NR3C1: variants seen among roughly 807,000 people sequenced by gnomAD.
NR3C1 encodes nuclear receptor subfamily 3 group C member 1.
In NR3C1, 14 loss-of-function variants were observed where a neutral mutation model predicts 74.0. The observed-to-expected ratio is 0.19, with a 90% CI of 0.12 to 0.30. The LOEUF (loss-of-function observed/expected upper bound fraction) is 0.30. Ranked by LOEUF, NR3C1 falls within the 10% of genes least tolerant of loss-of-function variation. NR3C1 has a pLI of 1.00. For synonymous variants in NR3C1, 308 were observed against 332.5 expected (o/e 0.93, Z 0.80); for missense variants, 695 against 909.8 (o/e 0.76, Z 3.04).
upstream of NR3C1, chr5:143,403,801 G>A: frequency 1.0e-6 from 1 of 978,516 alleles, no homozygotes; most frequent in Non-Finnish European, 1.2e-6. Context: ...GTGACGCTTG[G>A]CAACTGCAGG....
At position 143,300,770 on chromosome 5, in the gene NR3C1, G is replaced by C; in HGVS notation, c.1469-7C>G. ...TTTTTCTTTGTTTTTCGAGCTGTGG[G>C]TATTTAAACAAATACATAGAAATGA... is the stretch of plus-strand genomic sequence containing the variant. On this transcript the variant is annotated splice_region_variant and splice_polypyrimidine_tract_variant and intron_variant, in intron 4 of 8. Coordinates refer to ENST00000394464, the MANE Select transcript of NR3C1 (RefSeq NM_000176.3). The surrounding 1 kb of genome is among the most constrained non-coding windows in gnomAD (Gnocchi z 5.2). The C allele has an allele frequency of 6.2e-7, 1 of 1,612,880 alleles. No homozygotes were observed. The highest frequency in any genetic ancestry group is 8.5e-7 in the Non-Finnish European group (1 of 1,179,354).
chr5:143,310,634 C>T (rs1820702738), intron 3 of NR3C1, among the ~76,000 whole-genome samples: 1 of 152,024 alleles, frequency 6.6e-6, no homozygotes, highest in Admixed American at 6.6e-5. Context: ...GTGTTTTACA[C>T]AGTTTGATAG....
intron 2 of NR3C1, among the ~76,000 whole-genome samples, chr5:143,352,504 C>T (rs759322468): frequency 8.6e-5 from 13 of 151,994 alleles, no homozygotes; most frequent in Non-Finnish European, 1.6e-4. Flanking sequence ...ACATATTCTA[C>T]GTTTTTTTTA....
At chr5:143,303,075 G>A (rs1818825252) in intron 4 of NR3C1, among the ~76,000 whole-genome samples, 1 of 151,880 alleles carries the variant, frequency 6.6e-6, no homozygotes, top group African/African-American at 2.4e-5. Flanking sequence ...ACCCAAATAA[G>A]CACAATAAAA....
chr5:143,365,237 AT>A lies in NR3C1; in HGVS notation c.1184+34418del, dbSNP rs1019863800. Among the ~76,000 whole-genome samples the A allele has an allele frequency of 3.3e-5, 5 of 152,222 alleles. No individual in the cohort carries two copies. The East Asian group carries it at 9.6e-4, about 29-fold the overall frequency. On this transcript the variant is annotated intron_variant, in intron 2 of 8. Coordinates refer to ENST00000394464, the MANE Select transcript of NR3C1 (RefSeq NM_000176.3). ...TCATCAATAATTACATTAAATGTCA[AT>A]GGTTTAAACTCCCCAAATAAAAAGC...
Position 143,414,678 on chromosome 5 carries a change from ATCT to A in NR3C1, c.-13-13829_-13-13827del, listed in dbSNP as rs1338183028. ...TTATTTCTACCTATGAGATATCTTTATCTGTCTGTCTAAATTTGTCTTTGTTAT... is the reference window on the plus strand; with the variant it reads ...TTATTTCTACCTATGAGATATCTTTAGTCTGTCTAAATTTGTCTTTGTTAT... On this transcript the variant is annotated intron_variant, in intron 1 of 8. Transcript: ENST00000343796. Among the ~76,000 whole-genome samples the A allele has an allele frequency of 2.0e-5, 3 of 151,960 alleles. No homozygotes were observed. The East Asian group carries it at 5.8e-4, about 29-fold the overall frequency.
chr5:143,353,468 C>A (rs766164569), intron 2 of NR3C1, among the ~76,000 whole-genome samples: 1 of 152,106 alleles, frequency 6.6e-6, no homozygotes, highest in Non-Finnish European at 1.5e-5. Flanking sequence ...TATAGCCTTA[C>A]AAAATGTACT....
chr5:143,334,237 C>G (rs921063356), intron 2 of NR3C1, among the ~76,000 whole-genome samples: 14 of 152,078 alleles, frequency 9.2e-5, no homozygotes, highest in African/African-American at 3.1e-4. Context: ...CAAAAATTAG[C>G]CGGGCATGGT....
At chr5:143,323,397 T>C (rs956384381) in intron 2 of NR3C1, among the ~76,000 whole-genome samples, 7 of 152,080 alleles carry the variant, frequency 4.6e-5, no homozygotes, top group African/African-American at 1.7e-4. Flanking sequence ...GATAAACCCA[T>C]GAGATCTCGT....
chr5:143,368,301 T>A (rs1178459649), intron 2 of NR3C1, among the ~76,000 whole-genome samples: 1 of 151,974 alleles, frequency 6.6e-6, no homozygotes, highest in Non-Finnish European at 1.5e-5. Flanking sequence ...AAAACATAGG[T>A]GAAAATCAGT....
Position 143,334,220 on chromosome 5 carries a change from A to G in NR3C1, c.1185-20052T>C, listed in dbSNP as rs556807039. Among the ~76,000 whole-genome samples, 64 of 152,130 alleles carry G rather than the reference A, an allele frequency of 4.2e-4. 1 individual carries two copies. In the South Asian group the frequency reaches 0.012, roughly 28 times the overall value. On this transcript the variant is annotated intron_variant, in intron 2 of 8. Transcript: ENST00000394464. ...AACATGGAGAAATGCCATCTCTACT[A>G]AAAATACAAAAATTAGCCGGGCATG...
intron 2 of NR3C1, among the ~76,000 whole-genome samples, chr5:143,385,567 C>T (rs1837039269): frequency 6.6e-6 from 1 of 152,138 alleles, no homozygotes; most frequent in Admixed American, 6.5e-5. Flanking sequence ...TTTCTTCTGC[C>T]ACGAACTCTA....
chr5:143,416,561 CT>C (rs1841483478), intron 1 of NR3C1, among the ~76,000 whole-genome samples: 1 of 152,132 alleles, frequency 6.6e-6, no homozygotes, highest in Non-Finnish European at 1.5e-5. Flanking sequence ...CTATTACACA[CT>C]TCAATACATT....
At chr5:143,282,473 G>A in intron 8 of NR3C1, 95 bp downstream of exon 8, 1 of 1,404,952 alleles carries the variant, frequency 7.1e-7, no homozygotes, top group Non-Finnish European at 9.9e-7. Context: ...CTGGGGGCGG[G>A]GGTGGGGGCG....
At chr5:143,357,285 A>AT (rs1415081133) in intron 2 of NR3C1, among the ~76,000 whole-genome samples, 2 of 152,200 alleles carry the variant, frequency 1.3e-5, no homozygotes, top group Admixed American at 6.5e-5. Flanking sequence ...GGAAAGTTAC[A>AT]TTTTTTAGAT....
chr5:143,346,898 T>TCTTA (rs1829392269), intron 2 of NR3C1, among the ~76,000 whole-genome samples: 1 of 152,158 alleles, frequency 6.6e-6, no homozygotes, highest in Non-Finnish European at 1.5e-5. Flanking sequence ...TTGGCAGAAA[T>TCTTA]AGTGAATGGT....
chr5:143,310,472 C>A (rs963089398), intron 3 of NR3C1, among the ~76,000 whole-genome samples: 1 of 152,062 alleles, frequency 6.6e-6, no homozygotes, highest in Non-Finnish European at 1.5e-5. Context: ...AAAAAGTACA[C>A]AAATCAGTGA....
At position 143,278,309 on chromosome 5, in the gene NR3C1, A is replaced by G. The variant is rs61754801; in HGVS notation, c.*3580T>C. On this transcript the variant is annotated 3_prime_UTR_variant, in exon 9 of 9. Coordinates refer to ENST00000394464, the MANE Select transcript of NR3C1 (RefSeq NM_000176.3). Reference sequence around the variant, plus strand: ...TATAGATTTGTCCCCATTATATAGCATTTAATATACAAAATAGAATATTGA... The same window carrying G: ...TATAGATTTGTCCCCATTATATAGCGTTTAATATACAAAATAGAATATTGA... 86 of 152,352 alleles carry G rather than the reference A, an allele frequency of 5.6e-4. 1 individual carries two copies. The highest frequency in any genetic ancestry group is 1.6e-3 in the African/African-American group (65 of 41,594). 9.4% of individuals were successfully genotyped at this position (152,352 alleles called of 1,614,324 possible).
At chr5:143,391,610 G>C (rs1187066976) in intron 2 of NR3C1, among the ~76,000 whole-genome samples, 3 of 152,040 alleles carry the variant, frequency 2.0e-5, no homozygotes, top group Non-Finnish European at 2.9e-5. Flanking sequence ...TTATCACTAT[G>C]GCTATTATGT....
Sources: allele counts gnomAD v4.1 joint callset (sites outside exome capture counted in the v4.1 genomes callset), GRCh38; gene constraint gnomAD v4.1.1; non-coding constraint Gnocchi (gnomAD v3.1); transcripts MANE v1.5; gene names NCBI Gene and HGNC (gene_info 2026-07-23, HGNC 2026-07-21).